Variants in TRABD2B observed in about 807,000 individuals in gnomAD.
TRABD2B encodes the protein TraB domain containing 2B.
Under a neutral mutation model 40.1 loss-of-function variants are expected in TRABD2B, and 14 were observed. That is an observed-to-expected ratio of 0.35 (90% confidence interval 0.23 to 0.55). The LOEUF (loss-of-function observed/expected upper bound fraction) is 0.55. Ranked by LOEUF, TRABD2B falls within the 20% of genes least tolerant of loss-of-function variation. TRABD2B has a pLI of 0.90. For missense variants in TRABD2B, 541 were observed against 648.6 expected (o/e 0.83, Z 1.80); for synonymous variants, 263 against 277.0 (o/e 0.95, Z 0.50).
At chr1:47,884,740 C>T (rs1244076195) in intron 2 of TRABD2B, among the ~76,000 whole-genome samples, 2 of 152,038 alleles carry the variant, frequency 1.3e-5, no homozygotes, top group Non-Finnish European at 2.9e-5. Context: ...CTCAGCCTCC[C>T]AAGTAGCTGG....
At chr1:47,801,660 G>C in intron 2 of TRABD2B, 41 bp from the exon 3 acceptor site, 3 of 1,528,544 alleles carry the variant, frequency 2.0e-6, no homozygotes, top group Non-Finnish European at 2.6e-6. Context: ...CTGTGCTCAG[G>C]GACCCTGGCT....
intron 2 of TRABD2B, among the ~76,000 whole-genome samples, chr1:47,981,919 T>G (rs755128899): frequency 1.1e-4 from 16 of 152,168 alleles, no homozygotes; most frequent in Non-Finnish European, 1.8e-4. Context: ...AGGAAAAGGA[T>G]GCTGAGAGGC....
chr1:47,768,420 G>C (rs916260797), intron 6 of TRABD2B, among the ~76,000 whole-genome samples: 1 of 151,958 alleles, frequency 6.6e-6, no homozygotes, highest in African/African-American at 2.4e-5. Context: ...GGCCTGATCT[G>C]GCCTGACTGC....
At chr1:47,876,208 C>G (rs1021428971) in intron 2 of TRABD2B, among the ~76,000 whole-genome samples, 24 of 152,304 alleles carry the variant, frequency 1.6e-4, no homozygotes, top group Admixed American at 7.8e-4. Context: ...TCAGTTCAGT[C>G]AACTCAAGTG....
At chr1:47,927,688 T>C (rs1469257090) in intron 2 of TRABD2B, among the ~76,000 whole-genome samples, 3 of 152,184 alleles carry the variant, frequency 2.0e-5, no homozygotes, top group Non-Finnish European at 4.4e-5. Context: ...AAGAGGCTGA[T>C]CTCCAGTGTG....
At chr1:47,892,670 T>C (rs941297906) in intron 2 of TRABD2B, among the ~76,000 whole-genome samples, 5 of 152,180 alleles carry the variant, frequency 3.3e-5, no homozygotes, top group Admixed American at 6.5e-5. Flanking sequence ...GAAGGACATA[T>C]TTCAAGAAGG....
intron 2 of TRABD2B, among the ~76,000 whole-genome samples, chr1:47,978,896 G>A (rs563729663): frequency 6.6e-6 from 1 of 152,196 alleles, no homozygotes; most frequent in African/African-American, 2.4e-5. Flanking sequence ...GAAAAACACA[G>A]AAGCACGAAG....
chr1:47,961,139 T>C (rs1209252550), intron 2 of TRABD2B, among the ~76,000 whole-genome samples: 2 of 152,184 alleles, frequency 1.3e-5, no homozygotes, highest in Non-Finnish European at 1.5e-5. Flanking sequence ...TAAATGGTGC[T>C]GGGAAAACTG....
At chr1:47,826,183 G>A (rs1023075397) in intron 2 of TRABD2B, among the ~76,000 whole-genome samples, 24 of 152,208 alleles carry the variant, frequency 1.6e-4, no homozygotes, top group Non-Finnish European at 4.4e-5. Flanking sequence ...AGGCAGAAGG[G>A]CTGGGCTGGA....
intron 6 of TRABD2B, among the ~76,000 whole-genome samples, chr1:47,768,641 G>A (rs1199879871): frequency 6.6e-6 from 1 of 152,124 alleles, no homozygotes; most frequent in Non-Finnish European, 1.5e-5. Flanking sequence ...CTGTGTTGTA[G>A]GTCTCCATTT....
intron 2 of TRABD2B, among the ~76,000 whole-genome samples, chr1:47,977,894 C>A (rs1645781905): frequency 1.3e-5 from 2 of 151,962 alleles, no homozygotes; most frequent in African/African-American, 4.8e-5. Flanking sequence ...GCCCTGATTT[C>A]ATGTGTGATC....
intron 2 of TRABD2B, among the ~76,000 whole-genome samples, chr1:47,928,507 T>C (rs984008029): frequency 2.0e-5 from 3 of 152,204 alleles, no homozygotes; most frequent in Admixed American, 6.5e-5. Flanking sequence ...ACCCCATGAT[T>C]ATTGGGCCCA....
intron 2 of TRABD2B, among the ~76,000 whole-genome samples, chr1:47,833,001 C>A (rs1645270930): frequency 6.6e-6 from 1 of 152,182 alleles, no homozygotes; most frequent in Non-Finnish European, 1.5e-5. Flanking sequence ...ATTTTACAGC[C>A]ATAGAAATTC....
chr1:47,918,271 T>C (rs1644855654), intron 2 of TRABD2B, among the ~76,000 whole-genome samples: 1 of 152,206 alleles, frequency 6.6e-6, no homozygotes, highest in East Asian at 1.9e-4. Context: ...TTTCTGGCAG[T>C]CCTGCACATG....
chr1:47,873,595 G>A (rs1383400428), intron 2 of TRABD2B, among the ~76,000 whole-genome samples: 1 of 152,126 alleles, frequency 6.6e-6, no homozygotes, highest in Non-Finnish European at 1.5e-5. Context: ...TCATCTTCCA[G>A]ATGTGTCTAC....
intron 2 of TRABD2B, among the ~76,000 whole-genome samples, chr1:47,984,583 C>T (rs72692199): frequency 0.079 from 11,998 of 152,250 alleles, 659 homozygotes; most frequent in Non-Finnish European, 0.12. Context: ...AGTAGCAGTC[C>T]ATGCAGAGAG....
intron 2 of TRABD2B, among the ~76,000 whole-genome samples, chr1:47,855,097 T>C (rs1325740668): frequency 2.6e-5 from 4 of 152,248 alleles, no homozygotes; most frequent in Non-Finnish European, 5.9e-5. Flanking sequence ...ATGTGGGTTT[T>C]TGAATAAGAC....
At chr1:47,770,580 C>T (rs1557552689) in intron 6 of TRABD2B, among the ~76,000 whole-genome samples, 1 of 152,208 alleles carries the variant, frequency 6.6e-6, no homozygotes, top group African/African-American at 2.4e-5. Context: ...AGAGAGGAAA[C>T]GGGACTTACC....
At position 47,766,235 on chromosome 1, in the gene TRABD2B, G is replaced by C. The variant is rs1306594760; in HGVS notation, c.1350-129C>G. ...CAATGGAGAAGGGAACAAGGAGCTT[G>C]AGCAGGCAAACCGGGCAGCCCAGAG... On this transcript the variant is annotated intron_variant, in intron 6 of 6. Coordinates refer to ENST00000606738, the MANE Select transcript of TRABD2B (RefSeq NM_001194986.2). 2.4e-5 allele frequency: 15 copies of C among 626,684 alleles called. No individual in the cohort carries two copies. The East Asian group carries it at 2.7e-4, about 11-fold the overall frequency. The allele number at this position is 626,684 out of a possible 1,614,324, so 38.8% of individuals were successfully genotyped here. A position where few individuals can be genotyped will look rare whatever the true frequency, so the allele number is the denominator to read the frequency against.
Sources: gnomAD v4.1 joint callset for allele counts (sites outside exome capture counted in the v4.1 genomes callset) on GRCh38, gnomAD v4.1.1 for gene constraint, MANE v1.5 for transcripts, NCBI Gene and HGNC (gene_info 2026-07-23, HGNC 2026-07-21) for gene names.